PRKAR2A: variants seen among roughly 807,000 people sequenced by gnomAD.
The protein encoded by PRKAR2A is protein kinase cAMP-dependent type II regulatory subunit alpha, also known as cAMP-dependent protein kinase type II-alpha regulatory subunit.
Under a neutral mutation model 51.9 loss-of-function variants are expected in PRKAR2A, and 29 were observed. That is an observed-to-expected ratio of 0.56 (90% CI 0.42 to 0.76). The LOEUF is 0.76. Ranked by LOEUF, PRKAR2A falls within the 30% of genes least tolerant of loss-of-function variation. PRKAR2A has a pLI of 0.00. For synonymous variants in PRKAR2A, 178 were observed against 186.2 expected, an observed-to-expected ratio of 0.96 and a Z score of 0.36; for missense variants, 445 against 512.1, an observed-to-expected ratio of 0.87 and a Z score of 1.26.
chr3:48,794,226 G>A (rs1462092798), intron 2 of PRKAR2A, among the ~76,000 whole-genome samples, 177 bp from the exon 3 acceptor site: 4 of 149,486 alleles, frequency 2.7e-5, no homozygotes, highest in Non-Finnish European at 4.4e-5. Context: ...ATCTCGGCTC[G>A]CTGCAACCTC....
intron 2 of PRKAR2A, among the ~76,000 whole-genome samples, chr3:48,806,583 T>C (rs927280538): frequency 1.1e-4 from 16 of 151,816 alleles, no homozygotes; most frequent in African/African-American, 3.6e-4. Context: ...CATCTCTAAC[T>C]CAATTAAAAA....
chr3:48,766,307 C>T (rs1486029305), intron 6 of PRKAR2A, among the ~76,000 whole-genome samples: 1 of 152,106 alleles, frequency 6.6e-6, no homozygotes, highest in Non-Finnish European at 1.5e-5. Context: ...GTGGCTCACA[C>T]CTGTAATCCC....
chr3:48,822,124 T>G lies in PRKAR2A; in HGVS notation c.263-14440A>C, dbSNP rs563556952. Reference sequence around the variant, plus strand: ...TACTCAGGAGGCTGGGGCAGGAGAATCCCTTGAACCAGGGAGGCAGAGGTT... The same window carrying G: ...TACTCAGGAGGCTGGGGCAGGAGAAGCCCTTGAACCAGGGAGGCAGAGGTT... On this transcript the variant is annotated intron_variant, in intron 1 of 10. Coordinates refer to ENST00000265563, the MANE Select transcript of PRKAR2A (RefSeq NM_004157.4). Among the ~76,000 whole-genome samples the G allele has an allele frequency of 2.1e-5, 3 of 141,970 alleles. 1 individual carries two copies. In the South Asian group the frequency reaches 6.6e-4, roughly 31 times the overall value. The allele number at this position is 141,970 out of a possible 152,430, so 93.1% of individuals were successfully genotyped here.
intron 5 of PRKAR2A, among the ~76,000 whole-genome samples, chr3:48,780,602 C>CAAAAAAAAAAAAAA (rs568780150): frequency 2.0e-5 from 1 of 49,358 alleles, no homozygotes; most frequent in Non-Finnish European, 4.3e-5. Context: ...GACTCCGTCT[C>CAAAAAAAAAAAAAA]AAAAAAAAAA....
rs920305679 is a variant in PRKAR2A, at chr3:48,802,371, T to C, written c.298+5278A>G. On this transcript the variant is annotated intron_variant, in intron 2 of 10. Transcript: ENST00000265563. The stretch of plus-strand genomic sequence containing the variant: ...GTCCTTTAAATGAAGGTCTGAAGAA[T>C]GTGAGTGAGCAAACAACAAAGATAA... 2.0e-5 allele frequency among the ~76,000 whole-genome samples: 3 copies of C among 152,008 alleles called. No homozygotes were observed. The South Asian group carries it at 6.2e-4, about 32-fold the overall frequency.
Position 48,847,729 on chromosome 3 carries a change from T to C in PRKAR2A, c.-133A>G. 1.1e-6 allele frequency: 1 copy of C among 940,548 alleles called. No homozygotes were observed. Among genetic ancestry groups the C allele is most frequent in the South Asian group, 2.5e-5 (1 of 40,212 alleles). The allele number at this position is 940,548 out of a possible 1,614,324, so 58.3% of individuals were successfully genotyped here. On this transcript the variant is annotated 5_prime_UTR_variant, in exon 1 of 11. Coordinates refer to ENST00000265563, the MANE Select transcript of PRKAR2A (RefSeq NM_004157.4). The surrounding 1 kb of genome is among the most constrained non-coding windows in gnomAD (Gnocchi z 4.4). ...GGCCCCGGCTCACGTCGCGCCGCTC[T>C]TTGGCCGGCTCTGCGTTTCCGGGCC...
chr3:48,829,455 G>A (rs1429348268), intron 1 of PRKAR2A, among the ~76,000 whole-genome samples: 1 of 151,026 alleles, frequency 6.6e-6, no homozygotes, highest in East Asian at 2.0e-4. Context: ...GGAGGCAGAG[G>A]TTGCAGTGAG....
intron 1 of PRKAR2A, among the ~76,000 whole-genome samples, chr3:48,814,051 C>T (rs558856083): frequency 2.3e-4 from 35 of 152,184 alleles, no homozygotes; most frequent in Non-Finnish European, 4.4e-5. Flanking sequence ...AGATGGAGAC[C>T]ATACTGGCCA....
chr3:48,793,973 T>C, intron 3 of PRKAR2A, 24 bp downstream of exon 3: 2 of 1,560,988 alleles, frequency 1.3e-6, no homozygotes, highest in Non-Finnish European at 1.8e-6. Context: ...CAATTCTACC[T>C]AACATCTTTG....
chr3:48,830,157 C>T (rs1366680897), intron 1 of PRKAR2A, among the ~76,000 whole-genome samples: 1 of 150,724 alleles, frequency 6.6e-6, no homozygotes, highest in African/African-American at 2.4e-5. Context: ...GAGCCAAGAT[C>T]GTGCTATTGC....
intron 5 of PRKAR2A, among the ~76,000 whole-genome samples, chr3:48,779,766 C>T (rs769962449): frequency 6.8e-6 from 1 of 146,378 alleles, no homozygotes; most frequent in Non-Finnish European, 1.5e-5. Flanking sequence ...AGCAACAGAG[C>T]AAGACTCCGT....
At chr3:48,769,272 T>C (rs1469864675) in intron 6 of PRKAR2A, among the ~76,000 whole-genome samples, 7 of 150,576 alleles carry the variant, frequency 4.6e-5, no homozygotes, top group African/African-American at 1.7e-4. Flanking sequence ...ATTCTCCTGC[T>C]TCAGCCTCCT....
At chr3:48,790,154 G>A (rs1053178234) in intron 4 of PRKAR2A, among the ~76,000 whole-genome samples, 1 of 152,068 alleles carries the variant, frequency 6.6e-6, no homozygotes, top group African/African-American at 2.4e-5. Flanking sequence ...ATGAATACAC[G>A]GGGACAAAGT....
At chr3:48,785,705 T>C (rs1243213109) in intron 4 of PRKAR2A, among the ~76,000 whole-genome samples, 1 of 152,180 alleles carries the variant, frequency 6.6e-6, no homozygotes, top group Non-Finnish European at 1.5e-5. Flanking sequence ...CCAGAAAATA[T>C]TCTTGTTCCT....
intron 6 of PRKAR2A, among the ~76,000 whole-genome samples, chr3:48,769,626 G>A (rs918239509): frequency 2.0e-5 from 3 of 151,956 alleles, no homozygotes; most frequent in Admixed American, 6.6e-5. Context: ...ATAGGCATGC[G>A]CCACCATGCC....
At chr3:48,762,375 G>A (rs1209031395) in intron 8 of PRKAR2A, among the ~76,000 whole-genome samples, 1 of 152,188 alleles carries the variant, frequency 6.6e-6, no homozygotes, top group Non-Finnish European at 1.5e-5. Flanking sequence ...AGTTTGTTAT[G>A]AAGTTAAAAT....
rs1321271949 is a variant in PRKAR2A at position 48,748,069 on chromosome 3, T to A, written c.*3516A>T. 2 of 152,024 alleles carry A rather than the reference T, an allele frequency of 1.3e-5. No individual in the cohort carries two copies. The highest frequency in any genetic ancestry group is 4.8e-5 in the African/African-American group (2 of 41,390). 9.4% of individuals were successfully genotyped at this position (152,024 alleles called of 1,614,324 possible). ...TAAATAGAACCCTCTAGGGATCCTG[T>A]ATGCAGTGAGGGTCTGAACTGATGA... On this transcript the variant is annotated 3_prime_UTR_variant, in exon 11 of 11. Coordinates refer to ENST00000265563, the MANE Select transcript of PRKAR2A (RefSeq NM_004157.4).
rs150311792 is a variant in PRKAR2A at position 48,842,626 on chromosome 3, G to A, written c.262+4709C>T. 3.1e-3 allele frequency among the ~76,000 whole-genome samples: 475 copies of A among 152,284 alleles called. 5 individuals are homozygous for A. The highest frequency in any genetic ancestry group is 0.011 in the African/African-American group (451 of 41,560). On this transcript the variant is annotated intron_variant, in intron 1 of 10. Coordinates refer to ENST00000265563, the MANE Select transcript of PRKAR2A (RefSeq NM_004157.4). Reference sequence around the variant, plus strand: ...TTATTGAGCGTTTTTAGAATGAAGGGTTGTTGAATTTTGTCAAAGGCCTTT... The same window carrying A: ...TTATTGAGCGTTTTTAGAATGAAGGATTGTTGAATTTTGTCAAAGGCCTTT...
chr3:48,821,113 T>C (rs2082952610), intron 1 of PRKAR2A, among the ~76,000 whole-genome samples: 1 of 152,294 alleles, frequency 6.6e-6, no homozygotes, highest in African/African-American at 2.4e-5. Flanking sequence ...GCGTAAGCCA[T>C]GCCTCACAGA....
Sources: allele counts gnomAD v4.1 joint callset (sites outside exome capture counted in the v4.1 genomes callset), GRCh38; gene constraint gnomAD v4.1.1; non-coding constraint Gnocchi (gnomAD v3.1); transcripts MANE v1.5; gene names NCBI Gene and HGNC (gene_info 2026-07-23, HGNC 2026-07-21).